MGAT4C: variants seen among roughly 807,000 people sequenced by gnomAD.
MGAT4C encodes the protein MGAT4 family member C.
In MGAT4C, 19 loss-of-function variants were observed where a neutral mutation model predicts 40.1. The observed-to-expected ratio is 0.47, with a 90% CI of 0.33 to 0.70. MGAT4C has a LOEUF of 0.70. Ranked by LOEUF, MGAT4C falls within the 30% of genes least tolerant of loss-of-function variation. The pLI is 0.02. For missense variants in MGAT4C, 491 were observed against 563.2 expected (o/e 0.87, Z 1.30); for synonymous variants, 181 against 187.1 (o/e 0.97, Z 0.27).
chr12:86,584,092 T>A (rs1960908211), intron 2 of MGAT4C, among the ~76,000 whole-genome samples: 2 of 150,922 alleles, frequency 1.3e-5, no homozygotes, highest in South Asian at 4.1e-4. Flanking sequence ...AAAATTTTTA[T>A]CAGTGAGTTT....
intron 2 of MGAT4C, among the ~76,000 whole-genome samples, chr12:86,464,662 T>C (rs1292578579): frequency 6.6e-6 from 1 of 152,144 alleles, no homozygotes; most frequent in African/African-American, 2.4e-5. Flanking sequence ...ATATATTCAT[T>C]TCTTTACAAA....
At chr12:86,434,343 C>T (rs548684519) in intron 3 of MGAT4C, among the ~76,000 whole-genome samples, 1 of 152,008 alleles carries the variant, frequency 6.6e-6, no homozygotes, top group Non-Finnish European at 1.5e-5. Flanking sequence ...ATAGGGATTA[C>T]ATTGCTTTAA....
chr12:86,005,891 T>A (rs932398150), intron 2 of MGAT4C, among the ~76,000 whole-genome samples: 2 of 152,150 alleles, frequency 1.3e-5, no homozygotes, highest in African/African-American at 2.4e-5. Context: ...TGATAAAAAA[T>A]AAGTGTGACT....
At chr12:86,582,101 C>T (rs114995643) in intron 2 of MGAT4C, among the ~76,000 whole-genome samples, 109 of 151,326 alleles carry the variant, frequency 7.2e-4, no homozygotes, top group African/African-American at 2.2e-3. Context: ...AGTATAAATG[C>T]ATTAGTATTT....
At chr12:86,001,620 A>G (rs550434099) in intron 2 of MGAT4C, 3 of 983,834 alleles carry the variant, frequency 3.0e-6, no homozygotes, top group East Asian at 1.1e-4. Context: ...GCCTGAGTAC[A>G]CTATACAGAG....
intron 3 of MGAT4C, among the ~76,000 whole-genome samples, chr12:86,347,329 T>C (rs1454974213): frequency 6.6e-6 from 1 of 152,112 alleles, no homozygotes; most frequent in East Asian, 1.9e-4. Flanking sequence ...CAGAGAAATA[T>C]TAAGTATAAA....
At chr12:85,980,519 T>C in intron 4 of MGAT4C, 89 bp from the exon 5 acceptor site, 1 of 1,167,686 alleles carries the variant, frequency 8.6e-7, no homozygotes, top group East Asian at 2.4e-5. Context: ...TTTGACTTGC[T>C]ACTTACTACA....
chr12:86,772,011 T>A (rs1348420056), intron 1 of MGAT4C, among the ~76,000 whole-genome samples: 1 of 152,074 alleles, frequency 6.6e-6, no homozygotes, highest in East Asian at 1.9e-4. Context: ...AAAGAATTGC[T>A]AAACAAAAAG....
At chr12:86,765,697 G>C (rs1951493081) in intron 1 of MGAT4C, among the ~76,000 whole-genome samples, 1 of 152,184 alleles carries the variant, frequency 6.6e-6, no homozygotes, top group African/African-American at 2.4e-5. Flanking sequence ...CCAGAAGAGA[G>C]TGGGGGCCAA....
intron 4 of MGAT4C, among the ~76,000 whole-genome samples, chr12:86,317,587 G>T (rs1194977044): frequency 1.3e-5 from 2 of 151,952 alleles, no homozygotes; most frequent in Admixed American, 1.3e-4. Flanking sequence ...TGACTGGGAT[G>T]GTAGTTTTGA....
rs974902582 is a variant in MGAT4C at position 85,968,933 on chromosome 12, A to G, written c.*10356T>C. The stretch of plus-strand genomic sequence containing the variant: ...GAGTTTTGATACATCACTTAACTCA[A>G]ACTTTGAGATTCTTCATCACTGAAG... On this transcript the variant is annotated 3_prime_UTR_variant, in exon 5 of 5. Coordinates refer to ENST00000611864, the MANE Select transcript of MGAT4C (RefSeq NM_001351288.2). The G allele has an allele frequency of 1.3e-5, 2 of 151,878 alleles. No homozygotes were observed. Among genetic ancestry groups the G allele is most frequent in the African/African-American group, 2.4e-5 (1 of 41,428 alleles). 9.4% of individuals were successfully genotyped at this position (151,878 alleles called of 1,614,324 possible).
intron 1 of MGAT4C, among the ~76,000 whole-genome samples, chr12:86,244,609 C>T (rs989385049): frequency 1.7e-4 from 26 of 152,128 alleles, no homozygotes; most frequent in African/African-American, 6.3e-4. Context: ...CTTATAAAAT[C>T]CCAAAACACA....
At chr12:86,292,434 C>G (rs1953545097) in intron 4 of MGAT4C, among the ~76,000 whole-genome samples, 1 of 107,452 alleles carries the variant, frequency 9.3e-6, no homozygotes, top group South Asian at 4.1e-4. Context: ...GAAGAAAAAC[C>G]CTACTACTTT....
intron 2 of MGAT4C, among the ~76,000 whole-genome samples, chr12:86,524,189 G>A (rs991942894): frequency 3.3e-5 from 5 of 152,128 alleles, no homozygotes; most frequent in Non-Finnish European, 5.9e-5. Flanking sequence ...CGTGTCACAC[G>A]TCTATGTACT....
intron 1 of MGAT4C, among the ~76,000 whole-genome samples, chr12:86,120,960 A>T (rs969508433): frequency 1.3e-5 from 2 of 152,200 alleles, no homozygotes. Context: ...CTAAAGGAGG[A>T]TGTTTGAACC....
chr12:86,382,114 A>C (rs1955944322), intron 3 of MGAT4C, among the ~76,000 whole-genome samples: 1 of 152,242 alleles, frequency 6.6e-6, no homozygotes, highest in Admixed American at 6.5e-5. Context: ...GAAGAATACA[A>C]GAAAATGTGG....
At chr12:86,155,781 G>A (rs1391076829) in intron 1 of MGAT4C, among the ~76,000 whole-genome samples, 1 of 151,892 alleles carries the variant, frequency 6.6e-6, no homozygotes, top group Non-Finnish European at 1.5e-5. Context: ...AAATTATGGT[G>A]AAAAAAAGGT....
intron 1 of MGAT4C, among the ~76,000 whole-genome samples, chr12:86,244,086 C>A (rs1462883829): frequency 6.6e-6 from 1 of 152,130 alleles, no homozygotes; most frequent in Non-Finnish European, 1.5e-5. Flanking sequence ...AAGAGAAATG[C>A]TTATAAATAC....
At chr12:86,152,135 A>T (rs891827175) in intron 1 of MGAT4C, among the ~76,000 whole-genome samples, 1 of 152,170 alleles carries the variant, frequency 6.6e-6, no homozygotes, top group African/African-American at 2.4e-5. Context: ...GGCTCCTTCC[A>T]AATCCCTGTA....
Sources: allele counts gnomAD v4.1 joint callset (sites outside exome capture counted in the v4.1 genomes callset), GRCh38; gene constraint gnomAD v4.1.1; transcripts MANE v1.5; gene names NCBI Gene and HGNC (gene_info 2026-07-23, HGNC 2026-07-21).